Variants in NRXN3 observed in about 807,000 individuals in gnomAD.
NRXN3 encodes the protein neurexin III.
A neutral mutation model predicts 137.6 loss-of-function variants in NRXN3; 32 were observed. That is an observed-to-expected ratio of 0.23 (90% CI 0.18 to 0.31). The LOEUF is 0.31. Among genes scored for constraint, NRXN3 ranks in the 10% least tolerant of loss-of-function variants. NRXN3 has a pLI of 1.00. For missense variants in NRXN3, 1,574 were observed against 2,062.5 expected (o/e 0.76, Z 4.59); for synonymous variants, 798 against 784.5 (o/e 1.02, Z -0.29).
chr14:78,536,777 C>T (rs2096540399), intron 4 of NRXN3, among the ~76,000 whole-genome samples: 2 of 147,900 alleles, frequency 1.4e-5, no homozygotes, highest in African/African-American at 2.5e-5. Context: ...CCATGACAGG[C>T]CCCAGTGTGT....
chr14:78,234,989 T>C (rs564208464), intron 1 of NRXN3, among the ~76,000 whole-genome samples: 27 of 104,092 alleles, frequency 2.6e-4, no homozygotes, highest in African/African-American at 1.1e-3. Context: ...CAGCCACAAA[T>C]GCTTTTATAT....
chr14:79,395,202 G>A (rs1245684279), intron 15 of NRXN3, among the ~76,000 whole-genome samples: 3 of 152,122 alleles, frequency 2.0e-5, no homozygotes, highest in African/African-American at 7.2e-5. Context: ...TGTTCTGCCA[G>A]GGTTCATAAC....
intron 1 of NRXN3, among the ~76,000 whole-genome samples, chr14:78,230,274 C>T (rs1458642689): frequency 6.6e-6 from 1 of 152,072 alleles, no homozygotes; most frequent in Admixed American, 6.6e-5. Context: ...ATCTGCCCGT[C>T]TTGGCCTCCT....
At chr14:79,714,128 T>C (rs1400773957) in intron 19 of NRXN3, among the ~76,000 whole-genome samples, 4 of 152,180 alleles carry the variant, frequency 2.6e-5, no homozygotes, top group Non-Finnish European at 5.9e-5. Context: ...AAACAATATA[T>C]TGTAAGAACA....
intron 1 of NRXN3, among the ~76,000 whole-genome samples, chr14:78,185,939 G>A (rs1210502200): frequency 3.3e-5 from 5 of 152,176 alleles, no homozygotes; most frequent in African/African-American, 1.2e-4. Flanking sequence ...ACTTTAGTCT[G>A]TGTGTCCTTG....
At chr14:79,203,478 A>T (rs1372294555) in intron 15 of NRXN3, among the ~76,000 whole-genome samples, 1 of 152,168 alleles carries the variant, frequency 6.6e-6, no homozygotes, top group African/African-American at 2.4e-5. Context: ...GCACACCCCT[A>T]CATATGCCCC....
chr14:78,469,615 C>G (rs547650929), intron 4 of NRXN3, among the ~76,000 whole-genome samples: 1 of 152,264 alleles, frequency 6.6e-6, no homozygotes, highest in East Asian at 1.9e-4. Context: ...GAAGACCCAA[C>G]CTGGATCAAC....
At chr14:79,462,433 T>C (rs995942602) in intron 15 of NRXN3, among the ~76,000 whole-genome samples, 24 of 151,822 alleles carry the variant, frequency 1.6e-4, no homozygotes, top group African/African-American at 5.8e-4. Flanking sequence ...CCCTGGGAGA[T>C]GCTTCCAAAA....
At chr14:79,379,229 A>G (rs2153450429) in intron 15 of NRXN3, among the ~76,000 whole-genome samples, 1 of 152,280 alleles carries the variant, frequency 6.6e-6, no homozygotes, top group Non-Finnish European at 1.5e-5. Context: ...AGTATACTGT[A>G]TAGTCCCTAT....
intron 16 of NRXN3, among the ~76,000 whole-genome samples, chr14:79,600,979 T>C (rs2097915239): frequency 6.6e-6 from 1 of 151,834 alleles, no homozygotes; most frequent in Non-Finnish European, 1.5e-5. Context: ...GGTCTATTTC[T>C]ATCTGTGTTC....
At chr14:78,918,325 G>T (rs1338021086) in intron 10 of NRXN3, among the ~76,000 whole-genome samples, 1 of 133,834 alleles carries the variant, frequency 7.5e-6, no homozygotes, top group African/African-American at 2.9e-5. Flanking sequence ...AGAGAGAAAA[G>T]AAATATCTGT....
At chr14:79,794,374 A>G (rs1055502942) in intron 19 of NRXN3, among the ~76,000 whole-genome samples, 3 of 151,906 alleles carry the variant, frequency 2.0e-5, no homozygotes, top group African/African-American at 7.3e-5. Flanking sequence ...AAAAACAAAA[A>G]CAAACAAACA....
At chr14:78,752,601 T>C (rs1444169461) in intron 8 of NRXN3, among the ~76,000 whole-genome samples, 1 of 152,182 alleles carries the variant, frequency 6.6e-6, no homozygotes, top group East Asian at 1.9e-4. Context: ...AATATTGGGC[T>C]TATATGTCTT....
chr14:78,495,954 C>T (rs1354274142), intron 4 of NRXN3, among the ~76,000 whole-genome samples: 2 of 152,174 alleles, frequency 1.3e-5, no homozygotes, highest in Non-Finnish European at 2.9e-5. Flanking sequence ...TATGCCTCAG[C>T]GGCATGTTTT....
chr14:79,345,001 G>A (rs1403358152), intron 15 of NRXN3, among the ~76,000 whole-genome samples: 1 of 152,078 alleles, frequency 6.6e-6, no homozygotes, highest in Non-Finnish European at 1.5e-5. Flanking sequence ...AGATTCTCAC[G>A]GGCTTCATCC....
intron 8 of NRXN3, among the ~76,000 whole-genome samples, chr14:78,778,754 C>CTT (rs1567285652): frequency 2.7e-4 from 28 of 105,252 alleles, no homozygotes; most frequent in African/African-American, 9.7e-4. Flanking sequence ...TTCTTTCCTT[C>CTT]TTTCTCTTTC....
At chr14:78,983,333 A>G (rs756270029) in intron 14 of NRXN3, among the ~76,000 whole-genome samples, 15 of 152,336 alleles carry the variant, frequency 9.8e-5, no homozygotes, top group Non-Finnish European at 8.8e-5. Context: ...CGCCAAAGAG[A>G]TATCTGCATT....
intron 15 of NRXN3, among the ~76,000 whole-genome samples, chr14:79,391,803 A>G (rs2094854038): frequency 6.6e-6 from 1 of 152,228 alleles, no homozygotes; most frequent in Non-Finnish European, 1.5e-5. Context: ...AAGTGATTGC[A>G]TATGCTGTTG....
intron 3 of NRXN3, chr14:78,282,273 A>G (rs2074512060): frequency 2.4e-6 from 1 of 424,388 alleles, no homozygotes; most frequent in Non-Finnish European, 4.8e-6. Flanking sequence ...CTGTTCTAGA[A>G]CTCTCTGGAA....
Sources: gnomAD v4.1 joint callset for allele counts (sites outside exome capture counted in the v4.1 genomes callset) on GRCh38, gnomAD v4.1.1 for gene constraint, MANE v1.5 for transcripts, NCBI Gene and HGNC (gene_info 2026-07-23, HGNC 2026-07-21) for gene names.